ANK2: variants seen among roughly 807,000 people sequenced by gnomAD.
ANK2 encodes ankyrin-2.
ANK2 carries 83 observed loss-of-function variants against 360.5 expected under a neutral mutation model. The ratio of observed to expected loss-of-function variants is 0.23; its 90% confidence interval spans 0.19 to 0.28. The LOEUF is 0.28. Among genes scored for constraint, ANK2 ranks in the 10% least tolerant of loss-of-function variants. The pLI is 1.00. For synonymous variants in ANK2, 1,740 were observed against 1,759.5 expected, an observed-to-expected ratio of 0.99 and a Z score of 0.28; for missense variants, 4,201 against 4,795.7, an observed-to-expected ratio of 0.88 and a Z score of 3.66.
In ANK2 at chr4:113,357,368, A is replaced by G; in HGVS notation, c.8750A>G (p.Asp2917Gly). Residue 2917 changes from aspartate (D) to glycine (G), a missense_variant, in exon 38 of 46, where the codon GAT (aspartate) becomes GGT (glycine). Physicochemically the swap from Asp to Gly is moderately conservative, Grantham distance 94. Transcript: ENST00000357077. ...DVPVSDLAEN[D>G]EIYDPQITSP... The stretch of plus-strand genomic sequence containing the variant: ...CCCGTGTCTGACCTAGCTGAGAATG[A>G]TGAAATCTATGATCCACAAATCACT... 6.2e-7 allele frequency: 1 copy of G among 1,614,056 alleles called. No homozygotes were observed. Among genetic ancestry groups the G allele is most frequent in the Non-Finnish European group, 8.5e-7 (1 of 1,179,974 alleles).
At chr4:113,279,215 A>G (rs2061347697) in intron 17 of ANK2, among the ~76,000 whole-genome samples, 1 of 152,192 alleles carries the variant, frequency 6.6e-6, no homozygotes, top group Non-Finnish European at 1.5e-5. Flanking sequence ...TTCGTTCATT[A>G]ATTAAGCACA....
chr4:112,999,146 C>T (rs2049693076), intron 2 of ANK2, among the ~76,000 whole-genome samples: 1 of 152,138 alleles, frequency 6.6e-6, no homozygotes, highest in African/African-American at 2.4e-5. Flanking sequence ...GTCATTATTT[C>T]TCTCCAGTTT....
intron 4 of ANK2, among the ~76,000 whole-genome samples, chr4:113,227,888 C>G (rs1312884610): frequency 6.6e-6 from 1 of 152,192 alleles, no homozygotes; most frequent in Non-Finnish European, 1.5e-5. Flanking sequence ...ATAATTACTT[C>G]AGGATACTAT....
chr4:112,777,171 A>G, the ANK2 span, among the ~76,000 whole-genome samples: 1 of 152,224 alleles, frequency 6.6e-6, no homozygotes, highest in African/African-American at 2.4e-5. Context: ...TGGGCAATAT[A>G]CGTATGTAAG....
At chr4:112,913,051 A>G (rs189763434) in intron 2 of ANK2, among the ~76,000 whole-genome samples, 1 of 152,246 alleles carries the variant, frequency 6.6e-6, no homozygotes, top group African/African-American at 2.4e-5. Flanking sequence ...AACAAAGTGC[A>G]CTACATAGGC....
chr4:112,931,433 CTTTTTT>C (rs59802557), intron 2 of ANK2, among the ~76,000 whole-genome samples: 2 of 85,266 alleles, frequency 2.3e-5, no homozygotes, highest in Non-Finnish European at 4.4e-5. Flanking sequence ...TCTTTCTTTT[CTTTTTT>C]TTTTTTTTTT....
rs565273811 is a variant in ANK2 at position 113,165,328 on chromosome 4, T to C, written c.85-9088T>C. Among the ~76,000 whole-genome samples the C allele has an allele frequency of 2.7e-4, 41 of 152,340 alleles. No homozygotes were observed. In the South Asian group the frequency reaches 8.1e-3, roughly 30 times the overall value. ...CAGTCATATATAGATGCTGTGGGTA[T>C]TATTAAATATCCAATGTGGAGCTGT... On this transcript the variant is annotated intron_variant, in intron 1 of 45. Coordinates refer to ENST00000357077, the MANE Select transcript of ANK2 (RefSeq NM_001148.6).
At chr4:112,788,209 A>T in the ANK2 span, 2 of 1,590,018 alleles carry the variant, frequency 1.3e-6, no homozygotes, top group Admixed American at 3.3e-5. Context: ...TGTCATTGTA[A>T]TTGGTCCTGA....
At chr4:113,003,814 A>G (rs1247680023) in intron 2 of ANK2, among the ~76,000 whole-genome samples, 1 of 152,236 alleles carries the variant, frequency 6.6e-6, no homozygotes, top group Non-Finnish European at 1.5e-5. Flanking sequence ...ATGTACTTAC[A>G]CAAACCTAGA....
the ANK2 span, among the ~76,000 whole-genome samples, chr4:112,715,756 C>T: frequency 1.3e-5 from 2 of 152,072 alleles, no homozygotes; most frequent in Non-Finnish European, 2.9e-5. Context: ...TCACTCTGGG[C>T]TCCTTCCAAC....
the ANK2 span, among the ~76,000 whole-genome samples, chr4:112,768,779 A>G: frequency 6.6e-6 from 1 of 152,248 alleles, no homozygotes; most frequent in South Asian, 2.1e-4. Context: ...CCAGACTTAC[A>G]TTTCCATCTG....
intron 1 of ANK2, among the ~76,000 whole-genome samples, chr4:112,896,321 G>A (rs916351582): frequency 1.3e-5 from 2 of 152,170 alleles, no homozygotes; most frequent in Non-Finnish European, 2.9e-5. Context: ...GAGCATAGTC[G>A]TTCATTCATC....
chr4:113,101,869 G>A (rs2092905944), intron 1 of ANK2, among the ~76,000 whole-genome samples: 1 of 152,122 alleles, frequency 6.6e-6, no homozygotes, highest in Non-Finnish European at 1.5e-5. Flanking sequence ...ATGCAAGAAT[G>A]AGGACAACAT....
chr4:113,213,212 G>T (rs796161956), intron 4 of ANK2, among the ~76,000 whole-genome samples: 5 of 152,236 alleles, frequency 3.3e-5, no homozygotes, highest in African/African-American at 9.6e-5. Context: ...ATTCTAAATG[G>T]AATATCACAA....
the ANK2 span, among the ~76,000 whole-genome samples, chr4:112,705,660 T>C: frequency 4.6e-4 from 70 of 152,166 alleles, no homozygotes; most frequent in Non-Finnish European, 8.8e-4. Context: ...AGCCTCCTTC[T>C]CCCCACCCAC....
chr4:113,359,628 C>A (rs1473123590), intron 38 of ANK2, among the ~76,000 whole-genome samples: 1 of 152,136 alleles, frequency 6.6e-6, no homozygotes, highest in Non-Finnish European at 1.5e-5. Context: ...AGCTTAGACT[C>A]AAATTAAGCA....
Position 113,381,599 on chromosome 4 carries a change from C to A in ANK2, c.*128C>A. ...CCAGCGCGATCTCCAGCAGCTCCTT[C>A]GGCATTTCTGCAAGGAGGACTTGAA... On this transcript the variant is annotated 3_prime_UTR_variant, in exon 46 of 46. Coordinates refer to ENST00000357077, the MANE Select transcript of ANK2 (RefSeq NM_001148.6). The A allele has an allele frequency of 6.3e-7, 1 of 1,579,130 alleles. No individual in the cohort carries two copies. Among genetic ancestry groups the A allele is most frequent in the Non-Finnish European group, 8.6e-7 (1 of 1,160,012 alleles).
intron 1 of ANK2, among the ~76,000 whole-genome samples, chr4:113,165,660 T>A (rs1024979661): frequency 6.6e-6 from 1 of 152,140 alleles, no homozygotes; most frequent in Non-Finnish European, 1.5e-5. Context: ...CTAGTTCTTA[T>A]GTTATTCTCT....
At chr4:112,810,763 G>A in the ANK2 span, among the ~76,000 whole-genome samples, 1 of 151,896 alleles carries the variant, frequency 6.6e-6, no homozygotes, top group African/African-American at 2.4e-5. Flanking sequence ...TGTTGGCCAG[G>A]CTGGTCTTGA....
Sources: allele counts gnomAD v4.1 joint callset (sites outside exome capture counted in the v4.1 genomes callset), GRCh38; gene constraint gnomAD v4.1.1; transcripts MANE v1.5; gene names NCBI Gene and HGNC (gene_info 2026-07-23, HGNC 2026-07-21).